HIBADH: variants seen among roughly 807,000 people sequenced by gnomAD.
HIBADH encodes the protein 3-hydroxyisobutyrate dehydrogenase, mitochondrial.
Under a neutral mutation model 36.1 loss-of-function variants are expected in HIBADH, and 25 were observed. The ratio of observed to expected loss-of-function variants is 0.69; its 90% CI spans 0.50 to 0.97. HIBADH has a LOEUF of 0.97. HIBADH is among the 50% of genes least tolerant of loss of function. The probability of loss-of-function intolerance (pLI) is 0.00; values close to 1 mark genes in which losing one functional copy is unlikely to be tolerated. For missense variants in HIBADH, 421 were observed against 418.0 expected (o/e 1.01, Z -0.06); for synonymous variants, 160 against 149.5 (o/e 1.07, Z -0.51).
chr7:27,573,702 A>G (rs1428637527), intron 4 of HIBADH, among the ~76,000 whole-genome samples: 1 of 152,210 alleles, frequency 6.6e-6, no homozygotes, highest in East Asian at 1.9e-4. Context: ...GTCCTGTCCC[A>G]CAGAGTAGCT....
intron 4 of HIBADH, among the ~76,000 whole-genome samples, chr7:27,580,492 C>T (rs575312304): frequency 8.5e-5 from 13 of 152,296 alleles, no homozygotes; most frequent in African/African-American, 3.1e-4. Context: ...TACAGTAAAT[C>T]AGCAGAAAAC....
intron 1 of HIBADH, among the ~76,000 whole-genome samples, chr7:27,650,241 C>T (rs1786157774): frequency 6.7e-6 from 1 of 149,630 alleles, no homozygotes; most frequent in South Asian, 2.1e-4. Context: ...TTTACCTTCC[C>T]ACTCCCACAG....
At chr7:27,557,983 T>C (rs902912249) in intron 4 of HIBADH, among the ~76,000 whole-genome samples, 2 of 152,240 alleles carry the variant, frequency 1.3e-5, no homozygotes, top group African/African-American at 4.8e-5. Flanking sequence ...TGTGTTTACC[T>C]CTTCTTGAAT....
rs1173336040 is a variant in HIBADH, at chr7:27,649,543, T to C, written c.182A>G (p.His61Arg). The C allele has an allele frequency of 6.8e-6, 11 of 1,614,004 alleles. No individual in the cohort carries two copies. Among genetic ancestry groups the C allele is most frequent in the Non-Finnish European group, 9.3e-6 (11 of 1,179,920 alleles). Residue 61 changes from histidine (H) to arginine (R), a missense_variant, in exon 2 of 8, where the codon CAT (histidine) becomes CGT (arginine). By Grantham distance (29) the His-to-Arg change is conservative. Transcript: ENST00000265395. ...GNPMAKNLMK[H>R]GYPLIIYDVF... ...ATCATAAATAATAAGTGGATAGCCA[T>C]GTTTCATGAGATTTTTTGCCATTGG...
chr7:27,534,605 C>A (rs887987937), intron 6 of HIBADH, among the ~76,000 whole-genome samples: 1 of 152,126 alleles, frequency 6.6e-6, no homozygotes, highest in Non-Finnish European at 1.5e-5. Flanking sequence ...CAAATCTTCA[C>A]TGGGTGCCTA....
chr7:27,591,318 A>G (rs935634204), intron 4 of HIBADH, among the ~76,000 whole-genome samples: 8 of 151,984 alleles, frequency 5.3e-5, no homozygotes, highest in African/African-American at 1.9e-4. Context: ...TTGGGAGGCC[A>G]AGGCAGGCGG....
rs1057420278 is a variant in HIBADH, at chr7:27,652,485, C to T, written c.92-2852G>A. ...CAATGAATGAACTTGAAGAAAAGAG[C>T]CTGGAGGCAAGAAGACCAATATAAA... On this transcript the variant is annotated intron_variant, in intron 1 of 7. Coordinates refer to ENST00000265395, the MANE Select transcript of HIBADH (RefSeq NM_152740.4). 4.6e-5 allele frequency among the ~76,000 whole-genome samples: 7 copies of T among 152,106 alleles called. No homozygotes were observed. In the South Asian group the frequency reaches 1.2e-3, roughly 27 times the overall value.
intron 4 of HIBADH, among the ~76,000 whole-genome samples, chr7:27,621,975 A>G (rs551696712): frequency 2.0e-5 from 3 of 152,202 alleles, no homozygotes; most frequent in African/African-American, 7.2e-5. Flanking sequence ...ACCATGACTC[A>G]TGGCTGTAAT....
intron 6 of HIBADH, among the ~76,000 whole-genome samples, chr7:27,533,985 C>T (rs530227334): frequency 6.6e-6 from 1 of 152,264 alleles, no homozygotes; most frequent in East Asian, 1.9e-4. Flanking sequence ...AGAGTGCATG[C>T]GTGCATGCAT....
intron 4 of HIBADH, among the ~76,000 whole-genome samples, chr7:27,556,075 A>G (rs1784384909): frequency 6.6e-6 from 1 of 152,198 alleles, no homozygotes; most frequent in African/African-American, 2.4e-5. Context: ...CACTTTGATA[A>G]ATTACAGTAT....
At chr7:27,548,648 T>C (rs1784271324) in intron 4 of HIBADH, among the ~76,000 whole-genome samples, 1 of 152,164 alleles carries the variant, frequency 6.6e-6, no homozygotes, top group Non-Finnish European at 1.5e-5. Flanking sequence ...CAGAAACTAC[T>C]TGAAATATGA....
chr7:27,629,163 G>C (rs961321040), intron 4 of HIBADH, among the ~76,000 whole-genome samples: 1 of 151,694 alleles, frequency 6.6e-6, no homozygotes, highest in Non-Finnish European at 1.5e-5. Flanking sequence ...TCAAAGTTAT[G>C]ACACTTTTTT....
chr7:27,574,734 C>T (rs1393278111), intron 4 of HIBADH, among the ~76,000 whole-genome samples: 1 of 152,096 alleles, frequency 6.6e-6, no homozygotes, highest in Non-Finnish European at 1.5e-5. Context: ...GTTCAAAATC[C>T]ATGTATCTTC....
intron 4 of HIBADH, among the ~76,000 whole-genome samples, chr7:27,603,280 A>G (rs911689579): frequency 6.6e-6 from 1 of 152,110 alleles, no homozygotes; most frequent in African/African-American, 2.4e-5. Context: ...GCTGCATTTT[A>G]CCAGGCTAAC....
At chr7:27,625,237 A>T (rs1404569100) in intron 4 of HIBADH, among the ~76,000 whole-genome samples, 1 of 152,204 alleles carries the variant, frequency 6.6e-6, no homozygotes, top group African/African-American at 2.4e-5. Context: ...CTTTTTCTTT[A>T]TACAAAGGTT....
At chr7:27,530,018 T>C (rs974192935) in intron 7 of HIBADH, among the ~76,000 whole-genome samples, 1 of 152,210 alleles carries the variant, frequency 6.6e-6, no homozygotes, top group African/African-American at 2.4e-5. Flanking sequence ...CATTTTAAAA[T>C]TAAGATACGT....
chr7:27,644,670 C>T (rs2128296292), intron 2 of HIBADH, among the ~76,000 whole-genome samples: 1 of 151,022 alleles, frequency 6.6e-6, no homozygotes, highest in African/African-American at 2.4e-5. Flanking sequence ...GAGGCTGAGG[C>T]AGAAGAATCA....
At chr7:27,607,525 A>T (rs928280177) in intron 4 of HIBADH, among the ~76,000 whole-genome samples, 4 of 152,178 alleles carry the variant, frequency 2.6e-5, no homozygotes, top group African/African-American at 7.2e-5. Flanking sequence ...AAACAAAAAA[A>T]GTTTGCTATC....
At chr7:27,546,210 C>G (rs1381667149) in intron 4 of HIBADH, among the ~76,000 whole-genome samples, 1 of 152,130 alleles carries the variant, frequency 6.6e-6, no homozygotes, top group African/African-American at 2.4e-5. Context: ...TCAAGCAATC[C>G]TCCCACCTCA....
Sources: allele counts gnomAD v4.1 joint callset (sites outside exome capture counted in the v4.1 genomes callset), GRCh38; gene constraint gnomAD v4.1.1; transcripts MANE v1.5; gene names NCBI Gene and HGNC (gene_info 2026-07-23, HGNC 2026-07-21).